Variants in DISP1 observed in about 807,000 individuals in gnomAD.
DISP1 encodes protein dispatched homolog 1.
Under a neutral mutation model 37.3 loss-of-function variants are expected in DISP1, and 30 were observed. The observed-to-expected ratio is 0.80, with a 90% confidence interval of 0.60 to 1.09. DISP1 has a LOEUF of 1.09. DISP1 is among the 50% of genes least tolerant of loss of function. DISP1 has a pLI of 0.00. For synonymous variants in DISP1, 634 were observed against 690.2 expected (o/e 0.92, Z 1.28); for missense variants, 1,598 against 1,879.5 (o/e 0.85, Z 2.77).
chr1:222,834,210 A>G (rs1666447376), intron 1 of DISP1, among the ~76,000 whole-genome samples: 1 of 152,046 alleles, frequency 6.6e-6, no homozygotes, highest in African/African-American at 2.4e-5. Context: ...TAGAAGTTTG[A>G]TGATTCTTTC....
chr1:223,004,391 G>A lies in DISP1; in HGVS notation c.2994G>A (p.Val998=). ...MGLSVAVAFS[V]MLLTTWNIII... ...TGTCAGTTGCTGTTGCATTTAGCGT[G>A]ATGCTGCTGACAACTTGGAACATCA... is the stretch of plus-strand genomic sequence containing the variant. Residue 998 remains valine, a synonymous_variant, in exon 9 of 9, where the codon GTG becomes GTA. Transcript: ENST00000675850. This position sits in a 1 kb window ranked among gnomAD's most constrained non-coding sequence, Gnocchi z 4.9. The A allele has an allele frequency of 6.2e-7, 1 of 1,614,198 alleles. No individual in the cohort carries two copies. Among genetic ancestry groups the A allele is most frequent in the Non-Finnish European group, 8.5e-7 (1 of 1,180,044 alleles).
At chr1:222,964,423 A>G (rs1479324005) in intron 3 of DISP1, among the ~76,000 whole-genome samples, 1 of 152,212 alleles carries the variant, frequency 6.6e-6, no homozygotes, top group East Asian at 1.9e-4. Context: ...TGCTGTGCAA[A>G]CACAAGAGAA....
At chr1:222,875,866 T>C (rs965896028) in intron 1 of DISP1, among the ~76,000 whole-genome samples, 4 of 144,722 alleles carry the variant, frequency 2.8e-5, no homozygotes, top group East Asian at 2.0e-4. Flanking sequence ...AAAAAGAAAA[T>C]AGCATCAGAA....
intron 2 of DISP1, among the ~76,000 whole-genome samples, chr1:222,932,186 G>T (rs904046020): frequency 6.6e-6 from 1 of 151,878 alleles, no homozygotes; most frequent in Non-Finnish European, 1.5e-5. Context: ...ATTATATAAA[G>T]TATAAATCAG....
intron 1 of DISP1, chr1:222,836,812 A>C: frequency 6.5e-6 from 2 of 309,024 alleles, no homozygotes; most frequent in Non-Finnish European, 1.2e-5. Context: ...TTTAGTGTGG[A>C]GACAGTATTG....
At chr1:223,001,972 C>A (rs911099210) in intron 8 of DISP1, among the ~76,000 whole-genome samples, 4 of 152,218 alleles carry the variant, frequency 2.6e-5, no homozygotes, top group Non-Finnish European at 5.9e-5. Flanking sequence ...TTTCATATAT[C>A]AAGTGTACGG....
At chr1:222,974,326 C>A (rs2789972) in intron 3 of DISP1, among the ~76,000 whole-genome samples, 38,067 of 152,062 alleles carry the variant, frequency 0.25, 5,111 homozygotes, top group South Asian at 0.29. Flanking sequence ...TCATCAAGAT[C>A]ATTCAACTAA....
At chr1:222,904,568 TA>T (rs1263720837) in intron 1 of DISP1, among the ~76,000 whole-genome samples, 5 of 147,940 alleles carry the variant, frequency 3.4e-5, no homozygotes, top group East Asian at 2.0e-4. Flanking sequence ...TTTATTTTTT[TA>T]TTTTATTTTT....
chr1:222,948,767 AT>A (rs1317851976), intron 3 of DISP1, among the ~76,000 whole-genome samples: 1 of 152,186 alleles, frequency 6.6e-6, no homozygotes, highest in East Asian at 1.9e-4. Flanking sequence ...TTAGAGTAAA[AT>A]TGTATGGTGA....
At chr1:222,984,458 A>C (rs1018590951) in intron 4 of DISP1, among the ~76,000 whole-genome samples, 7 of 140,960 alleles carry the variant, frequency 5.0e-5, no homozygotes, top group South Asian at 2.2e-4. Flanking sequence ...AGAGAGAGAG[A>C]GCGTACTCAT....
rs2102799505 is a variant in DISP1, at chr1:223,003,355, C to T, written c.1958C>T (p.Pro653Leu). 5 of 1,614,108 alleles carry T rather than the reference C, an allele frequency of 3.1e-6. No homozygotes were observed. The East Asian group carries it at 1.1e-4, about 36-fold the overall frequency. Reference sequence around the variant, plus strand: ...TACGTTTTGATGGTCACATGGCTTCCAGCAGTTGTTGTGCTGCATGAGCGG... The same window carrying T: ...TACGTTTTGATGGTCACATGGCTTCTAGCAGTTGTTGTGCTGCATGAGCGG... The part of the protein sequence containing the change: ...VNYVLMVTWL[P>L]AVVVLHERYL... Residue 653 changes from proline to leucine, a missense_variant, in exon 9 of 9, where the codon CCA becomes CTA. Physicochemically the swap from Pro to Leu is moderately conservative, Grantham distance 98. Coordinates refer to ENST00000675850, the MANE Select transcript of DISP1 (RefSeq NM_001377229.1). This position sits in a 1 kb window ranked among gnomAD's most constrained non-coding sequence, Gnocchi z 4.3.
chr1:222,824,462 A>G (rs1663776015), intron 1 of DISP1, among the ~76,000 whole-genome samples: 1 of 152,212 alleles, frequency 6.6e-6, no homozygotes, highest in South Asian at 2.1e-4. Flanking sequence ...TCTACATTTC[A>G]AAAGCACCTT....
intron 3 of DISP1, 74 bp downstream of exon 3, chr1:222,943,406 C>T: frequency 6.3e-7 from 1 of 1,598,024 alleles, no homozygotes; most frequent in South Asian, 1.1e-5. Context: ...GTTTATTTTC[C>T]TGAAAGGAGA....
chr1:222,884,811 A>G (rs1290164244), intron 1 of DISP1, among the ~76,000 whole-genome samples: 3 of 151,964 alleles, frequency 2.0e-5, no homozygotes, highest in Non-Finnish European at 4.4e-5. Flanking sequence ...AATTATTACT[A>G]TGGTATGTGT....
chr1:222,935,452 A>G (rs191498237), intron 2 of DISP1, among the ~76,000 whole-genome samples: 10 of 152,280 alleles, frequency 6.6e-5, no homozygotes, highest in South Asian at 2.1e-4. Flanking sequence ...ACCATTTGTC[A>G]TCAGTATGTG....
intron 1 of DISP1, among the ~76,000 whole-genome samples, chr1:222,857,531 C>A (rs1201826141): frequency 6.6e-6 from 1 of 152,100 alleles, no homozygotes; most frequent in Non-Finnish European, 1.5e-5. Context: ...TCTAGAAAAC[C>A]CCATTGTCTC....
intron 1 of DISP1, among the ~76,000 whole-genome samples, chr1:222,897,417 G>A (rs528938503): frequency 2.0e-5 from 3 of 152,130 alleles, no homozygotes; most frequent in East Asian, 1.9e-4. Context: ...GCATCTATTC[G>A]TTGTCAAAAC....
intron 1 of DISP1, among the ~76,000 whole-genome samples, chr1:222,909,559 G>A (rs1330140971): frequency 6.6e-6 from 1 of 152,156 alleles, no homozygotes; most frequent in Admixed American, 6.5e-5. Context: ...ACCATGCTGA[G>A]CACTCCAGTG....
intron 3 of DISP1, among the ~76,000 whole-genome samples, chr1:222,980,674 G>A (rs1677766179): frequency 6.6e-6 from 1 of 151,988 alleles, no homozygotes; most frequent in Admixed American, 6.5e-5. Context: ...TGTATCTAAT[G>A]TCTTTTTTTT....
Sources: allele counts gnomAD v4.1 joint callset (sites outside exome capture counted in the v4.1 genomes callset), GRCh38; gene constraint gnomAD v4.1.1; non-coding constraint Gnocchi (gnomAD v3.1); transcripts MANE v1.5; gene names NCBI Gene and HGNC (gene_info 2026-07-23, HGNC 2026-07-21).